The following GPC6 variants were observed in gnomAD, a reference collection of about 807,000 sequenced individuals.
The protein encoded by GPC6 is glypican 6.
A neutral mutation model predicts 55.2 loss-of-function variants in GPC6; 14 were observed. The observed-to-expected ratio is 0.25, with a 90% CI of 0.17 to 0.40. GPC6 has a LOEUF of 0.40. Ranked by LOEUF, GPC6 falls within the 10% of genes least tolerant of loss-of-function variation. The pLI, the probability that GPC6 is intolerant of heterozygous loss-of-function variation, is 1.00. For missense variants in GPC6, 641 were observed against 708.5 expected (o/e 0.90, Z 1.08); for synonymous variants, 278 against 259.6 (o/e 1.07, Z -0.68).
intron 1 of GPC6, among the ~76,000 whole-genome samples, chr13:93,351,598 C>T (rs2139164737): frequency 6.6e-6 from 1 of 152,054 alleles, no homozygotes; most frequent in South Asian, 2.1e-4. Flanking sequence ...TGAATGTTCC[C>T]AACACAAAGA....
chr13:93,881,819 G>A (rs1469075821), intron 3 of GPC6, among the ~76,000 whole-genome samples: 1 of 151,976 alleles, frequency 6.6e-6, no homozygotes, highest in African/African-American at 2.4e-5. Flanking sequence ...TTGTAACTTT[G>A]TAACGTTCTC....
chr13:94,043,516 G>T (rs538347203), intron 4 of GPC6, among the ~76,000 whole-genome samples: 1 of 151,718 alleles, frequency 6.6e-6, no homozygotes, highest in East Asian at 1.9e-4. Context: ...AATTAACATT[G>T]CTATAATACT....
rs550747336 is a variant in GPC6, at chr13:93,798,833, C to T, written c.320-31321C>T. Among the ~76,000 whole-genome samples the T allele has an allele frequency of 4.7e-5, 7 of 147,404 alleles. No homozygotes were observed. In the South Asian group the frequency reaches 6.4e-4, roughly 14 times the overall value. ...ACTCAGGAGGCTGAGACAGGAGAAT[C>T]GCTTGAACCCAGGAGGCGGAGGTTG... On this transcript the variant is annotated intron_variant, in intron 2 of 8. Coordinates refer to ENST00000377047, the MANE Select transcript of GPC6 (RefSeq NM_005708.5).
chr13:94,112,439 C>T (rs778853722), intron 4 of GPC6, among the ~76,000 whole-genome samples: 6 of 152,174 alleles, frequency 3.9e-5, no homozygotes, highest in Non-Finnish European at 8.8e-5. Context: ...CGCACACACA[C>T]TCATTAACCA....
chr13:93,670,846 A>G (rs1312573232), intron 2 of GPC6, among the ~76,000 whole-genome samples: 3 of 152,312 alleles, frequency 2.0e-5, no homozygotes, highest in Non-Finnish European at 1.5e-5. Context: ...TTTCTGGATG[A>G]TTGTGAGATC....
intron 2 of GPC6, among the ~76,000 whole-genome samples, chr13:93,696,569 A>C (rs540737831): frequency 1.3e-5 from 2 of 151,922 alleles, no homozygotes; most frequent in African/African-American, 2.4e-5. Context: ...CAAAAACAAA[A>C]AACAAACAAC....
intron 1 of GPC6, among the ~76,000 whole-genome samples, chr13:93,488,017 C>T (rs1318461041): frequency 2.6e-5 from 4 of 152,064 alleles, no homozygotes; most frequent in African/African-American, 7.2e-5. Context: ...ATGTGCACAA[C>T]GTGCAGGTTT....
chr13:93,747,653 T>A (rs902139366), intron 2 of GPC6, among the ~76,000 whole-genome samples: 4 of 152,230 alleles, frequency 2.6e-5, no homozygotes, highest in Non-Finnish European at 5.9e-5. Context: ...ACATGAGGTA[T>A]TCAACACTTC....
At chr13:94,292,300 A>C (rs879301520) in intron 5 of GPC6, among the ~76,000 whole-genome samples, 11 of 152,114 alleles carry the variant, frequency 7.2e-5, no homozygotes, top group Admixed American at 3.3e-4. Context: ...CCACTGAGTC[A>C]ATCTCACACA....
intron 1 of GPC6, among the ~76,000 whole-genome samples, chr13:93,274,915 C>T (rs1206917183): frequency 6.6e-6 from 1 of 151,992 alleles, no homozygotes; most frequent in Non-Finnish European, 1.5e-5. Context: ...AGGGTCTTAC[C>T]TAAGATTGCA....
intron 2 of GPC6, among the ~76,000 whole-genome samples, chr13:93,811,979 T>C (rs1049543369): frequency 6.6e-6 from 1 of 152,028 alleles, no homozygotes; most frequent in African/African-American, 2.4e-5. Context: ...CCAACGTATA[T>C]CAACAATGTC....
At chr13:93,372,121 T>A (rs1455319786) in intron 1 of GPC6, among the ~76,000 whole-genome samples, 10 of 152,172 alleles carry the variant, frequency 6.6e-5, no homozygotes, top group Non-Finnish European at 1.5e-4. Flanking sequence ...CTTGCATCTT[T>A]TCAGTATGTA....
chr13:94,306,242 C>T, intron 6 of GPC6, 119 bp downstream of exon 6: 1 of 955,426 alleles, frequency 1.0e-6, no homozygotes. Flanking sequence ...CTTATATCTG[C>T]CTCTGTTCTT....
At chr13:93,450,648 C>T (rs1878188171) in intron 1 of GPC6, 1 of 562,132 alleles carries the variant, frequency 1.8e-6, no homozygotes, top group Non-Finnish European at 2.3e-6. Context: ...TTCTGCATTT[C>T]CCTGAAGAAT....
chr13:93,496,224 T>G (rs1478467096), intron 1 of GPC6, among the ~76,000 whole-genome samples: 1 of 152,138 alleles, frequency 6.6e-6, no homozygotes, highest in East Asian at 1.9e-4. Flanking sequence ...TATAGTCTCG[T>G]GGTGCGCCGT....
chr13:93,961,609 T>C (rs1032612071), intron 3 of GPC6, among the ~76,000 whole-genome samples: 1 of 152,234 alleles, frequency 6.6e-6, no homozygotes, highest in African/African-American at 2.4e-5. Context: ...CTTTTAGTGA[T>C]GAAGGGAAAC....
At chr13:94,083,145 G>A (rs1296380584) in intron 4 of GPC6, among the ~76,000 whole-genome samples, 1 of 152,136 alleles carries the variant, frequency 6.6e-6, no homozygotes. Flanking sequence ...TTGAGACGGA[G>A]TCTCGCTGTG....
intron 1 of GPC6, among the ~76,000 whole-genome samples, chr13:93,377,919 G>T (rs1490997672): frequency 1.3e-5 from 2 of 152,176 alleles, no homozygotes; most frequent in East Asian, 3.9e-4. Context: ...ATACAAATGT[G>T]TATTTTAATT....
At chr13:93,512,425 C>T (rs955668892) in intron 1 of GPC6, among the ~76,000 whole-genome samples, 2 of 151,948 alleles carry the variant, frequency 1.3e-5, no homozygotes, top group South Asian at 2.1e-4. Flanking sequence ...CAGTTGAAAT[C>T]GTTTTTTCTT....
Sources: allele counts gnomAD v4.1 joint callset (sites outside exome capture counted in the v4.1 genomes callset), GRCh38; gene constraint gnomAD v4.1.1; transcripts MANE v1.5; gene names NCBI Gene and HGNC (gene_info 2026-07-23, HGNC 2026-07-21).